Variants in KCNJ16 observed in about 807,000 individuals in gnomAD.
KCNJ16 encodes the protein potassium inwardly rectifying channel subfamily J member 16.
Under a neutral mutation model 18.5 loss-of-function variants are expected in KCNJ16, and 15 were observed. The observed-to-expected ratio is 0.81, with a 90% CI of 0.54 to 1.25. The LOEUF (loss-of-function observed/expected upper bound fraction) is 1.25, where lower values mean the gene tolerates loss of function less well. KCNJ16 is among the 50% of genes most tolerant of loss of function. KCNJ16 has a pLI of 0.00. For synonymous variants in KCNJ16, 174 were observed against 186.5 expected, an observed-to-expected ratio of 0.93 and a Z score of 0.55; for missense variants, 523 against 525.7, an observed-to-expected ratio of 0.99 and a Z score of 0.05.
intron 1 of KCNJ16, among the ~76,000 whole-genome samples, chr17:70,093,329 G>T (rs1472557112): frequency 6.6e-6 from 1 of 152,194 alleles, no homozygotes; most frequent in Non-Finnish European, 1.5e-5. Flanking sequence ...CTCTAAGGGA[G>T]AATGTCCCCT....
Position 70,112,334 on chromosome 17 carries a change from C to A in KCNJ16, c.-191+11568C>A, listed in dbSNP as rs918441061. Reference sequence around the variant, plus strand: ...CATGGGCATATTCACAAGTTGTTGACAATCTGTCTTTGAGGACTGGTTTCT... The same window carrying A: ...CATGGGCATATTCACAAGTTGTTGAAAATCTGTCTTTGAGGACTGGTTTCT... On this transcript the variant is annotated intron_variant, in intron 2 of 3. Transcript: ENST00000392671. 2.0e-5 allele frequency among the ~76,000 whole-genome samples: 3 copies of A among 151,704 alleles called. No individual in the cohort carries two copies. In the East Asian group the frequency reaches 5.8e-4, roughly 29 times the overall value.
intron 3 of KCNJ16, among the ~76,000 whole-genome samples, chr17:70,131,773 C>T (rs1412748311): frequency 6.6e-6 from 1 of 152,128 alleles, no homozygotes; most frequent in Non-Finnish European, 1.5e-5. Flanking sequence ...TTACCCAAGC[C>T]TTATTCATAT....
intron 1 of KCNJ16, among the ~76,000 whole-genome samples, chr17:70,083,587 T>A (rs563206385): frequency 6.6e-6 from 1 of 152,064 alleles, no homozygotes; most frequent in Admixed American, 6.6e-5. Context: ...AGCTTAGGAG[T>A]AATAGGCTAT....
chr17:70,100,184 A>C (rs774116239), intron 1 of KCNJ16, among the ~76,000 whole-genome samples: 5 of 152,208 alleles, frequency 3.3e-5, no homozygotes, highest in Non-Finnish European at 2.9e-5. Flanking sequence ...GCTGTACAGA[A>C]CAACTTAAAA....
intron 2 of KCNJ16, among the ~76,000 whole-genome samples, chr17:70,103,299 T>TA (rs1422192078): frequency 5.0e-5 from 1 of 20,198 alleles, no homozygotes; most frequent in African/African-American, 1.4e-4. Flanking sequence ...TGTGTGTGTA[T>TA]ATATATATAT....
intron 2 of KCNJ16, among the ~76,000 whole-genome samples, chr17:70,104,563 G>C (rs1374534720): frequency 2.6e-5 from 4 of 151,396 alleles, no homozygotes; most frequent in African/African-American, 7.4e-5. Context: ...CACTTAAGAA[G>C]CACACACTTG....
intron 1 of KCNJ16, chr17:70,096,975 T>G: frequency 2.5e-6 from 1 of 398,226 alleles, no homozygotes; most frequent in Non-Finnish European, 4.4e-6. Flanking sequence ...ACATATTAAA[T>G]TTTCTCTATT....
At chr17:70,102,133 T>C (rs1393015901) in intron 2 of KCNJ16, 1 of 151,496 alleles carries the variant, frequency 6.6e-6, no homozygotes, top group Non-Finnish European at 1.5e-5. Context: ...AAAATAGTAT[T>C]CCATTCTCTC....
chr17:70,076,170 A>G (rs150629516), intron 1 of KCNJ16, among the ~76,000 whole-genome samples: 35 of 152,298 alleles, frequency 2.3e-4, no homozygotes, highest in Middle Eastern at 3.4e-3. Context: ...TGTGTATTAC[A>G]TGGACTGAAT....
At chr17:70,080,565 A>G (rs1052609986) in intron 1 of KCNJ16, among the ~76,000 whole-genome samples, 1 of 152,084 alleles carries the variant, frequency 6.6e-6, no homozygotes, top group African/African-American at 2.4e-5. Context: ...GTACTCATTT[A>G]TCTTCTGCTT....
At chr17:70,091,877 G>A (rs753085799) in intron 1 of KCNJ16, among the ~76,000 whole-genome samples, 2 of 152,126 alleles carry the variant, frequency 1.3e-5, no homozygotes, top group Non-Finnish European at 2.9e-5. Flanking sequence ...ATCAGTCTAT[G>A]CAAGTAAATG....
At chr17:70,106,053 G>A (rs187401049) in intron 2 of KCNJ16, among the ~76,000 whole-genome samples, 1 of 152,258 alleles carries the variant, frequency 6.6e-6, no homozygotes, top group East Asian at 1.9e-4. Flanking sequence ...CCTTGATCCA[G>A]TCTGAGTGTT....
chr17:70,118,555 G>A (rs1208193623), intron 2 of KCNJ16, among the ~76,000 whole-genome samples: 1 of 152,114 alleles, frequency 6.6e-6, no homozygotes, highest in Non-Finnish European at 1.5e-5. Flanking sequence ...ACAAAATGGT[G>A]GAAAGTGAAG....
Position 70,133,140 on chromosome 17 carries a change from C to A in KCNJ16, c.1053C>A (p.Leu351=), listed in dbSNP as rs986208220. 6 of 1,614,038 alleles carry A rather than the reference C, an allele frequency of 3.7e-6. No homozygotes were observed. Among genetic ancestry groups the A allele is most frequent in the Non-Finnish European group, 4.2e-6 (5 of 1,180,026 alleles). ...AATTGGACTGGAAAGACCAGCAGCT[C>A]CACATAGAAAAAGCACCACCAGTTC... ...AKQLDWKDQQ[L]HIEKAPPVRE... The change falls in exon 4 of 4, where the codon CTC becomes CTA. Residue 351 remains leucine (L), a synonymous_variant. Transcript: ENST00000392671.
intron 1 of KCNJ16, among the ~76,000 whole-genome samples, chr17:70,081,559 T>C (rs906797711): frequency 2.0e-5 from 3 of 152,198 alleles, no homozygotes; most frequent in African/African-American, 7.2e-5. Context: ...AAAGTTTTTA[T>C]GCATTATATT....
intron 2 of KCNJ16, among the ~76,000 whole-genome samples, chr17:70,103,298 A>G (rs2366486): frequency 0.36 from 15,036 of 41,260 alleles, 1,071 homozygotes; most frequent in East Asian, 0.5. Flanking sequence ...GTGTGTGTGT[A>G]TATATATATA....
chr17:70,095,791 A>C (rs8075045), intron 1 of KCNJ16, among the ~76,000 whole-genome samples: 111,072 of 151,094 alleles, frequency 0.74, 41,178 homozygotes, highest in East Asian at 0.96. Flanking sequence ...AAAAATGTTG[A>C]AACTGATTCA....
chr17:70,125,125 C>T (rs1312198434), intron 2 of KCNJ16, among the ~76,000 whole-genome samples: 1 of 151,908 alleles, frequency 6.6e-6, no homozygotes, highest in East Asian at 1.9e-4. Flanking sequence ...AATTAGCCAG[C>T]CATAGTGGCA....
Position 70,132,028 on chromosome 17 carries a change from A to G in KCNJ16, c.-60A>G, listed in dbSNP as rs751135705. ...TGAAAACCCAAACCAAGAAATAGCAACAAGTCTAGAATTCTTACTACTACA... is the reference window on the plus strand; with the variant it reads ...TGAAAACCCAAACCAAGAAATAGCAGCAAGTCTAGAATTCTTACTACTACA... On this transcript the variant is annotated 5_prime_UTR_variant, in exon 4 of 4. Transcript: ENST00000392671. The G allele has an allele frequency of 6.2e-7, 1 of 1,605,740 alleles. No individual in the cohort carries two copies. Among genetic ancestry groups the G allele is most frequent in the South Asian group, 1.1e-5 (1 of 90,162 alleles).
Sources: allele counts gnomAD v4.1 joint callset (sites outside exome capture counted in the v4.1 genomes callset), GRCh38; gene constraint gnomAD v4.1.1; transcripts MANE v1.5; gene names NCBI Gene and HGNC (gene_info 2026-07-23, HGNC 2026-07-21).